The following PLCB4 variants were observed in gnomAD, a reference collection of about 807,000 sequenced individuals.
PLCB4 encodes 1-phosphatidylinositol 4,5-bisphosphate phosphodiesterase beta-4.
PLCB4 carries 77 observed loss-of-function variants against 178.8 expected under a neutral mutation model. The observed-to-expected ratio is 0.43, with a 90% confidence interval of 0.36 to 0.52. The LOEUF is 0.52. Ranked by LOEUF, PLCB4 falls within the 20% of genes least tolerant of loss-of-function variation. The pLI is 0.00. For missense variants in PLCB4, 1,024 were observed against 1,453.4 expected (o/e 0.70, Z 4.80); for synonymous variants, 496 against 490.8 (o/e 1.01, Z -0.14).
chr20:9,343,061 C>T (rs765145537), intron 7 of PLCB4, among the ~76,000 whole-genome samples: 2 of 152,086 alleles, frequency 1.3e-5, no homozygotes, highest in Non-Finnish European at 2.9e-5. Flanking sequence ...TGGGAGAGTC[C>T]AGCACTCCCT....
intron 32 of PLCB4, among the ~76,000 whole-genome samples, chr20:9,446,923 ATGT>A (rs2042449085): frequency 6.6e-6 from 1 of 152,188 alleles, no homozygotes; most frequent in South Asian, 2.1e-4. Flanking sequence ...CAACAAAAAC[ATGT>A]TGTCTTTAAA....
At chr20:9,440,783 A>C (rs1168993937) in intron 30 of PLCB4, among the ~76,000 whole-genome samples, 1 of 152,176 alleles carries the variant, frequency 6.6e-6, no homozygotes, top group Non-Finnish European at 1.5e-5. Context: ...TTAATGTTCC[A>C]GTGGGGTAGA....
chr20:9,184,585 C>G (rs1448005368), intron 2 of PLCB4, among the ~76,000 whole-genome samples: 3 of 134,372 alleles, frequency 2.2e-5, no homozygotes, highest in African/African-American at 9.1e-5. Context: ...GGGTGGTGAC[C>G]CAGCATTGTG....
At chr20:9,186,434 G>A (rs942652348) in intron 2 of PLCB4, among the ~76,000 whole-genome samples, 18 of 152,156 alleles carry the variant, frequency 1.2e-4, no homozygotes, top group Admixed American at 2.6e-4. Flanking sequence ...TCAGGAAAGG[G>A]CCACTTTAAC....
chr20:9,378,455 T>C lies in PLCB4; in HGVS notation c.745-1599T>C, dbSNP rs145880295. Among the ~76,000 whole-genome samples, 300 of 152,220 alleles carry C rather than the reference T, an allele frequency of 2.0e-3. 2 individuals are homozygous for C. Among genetic ancestry groups the C allele is most frequent in the Middle Eastern group, 6.8e-3 (2 of 294 alleles). Reference sequence around the variant, plus strand: ...GTCAGTTTGTTTGTTTTTAAAACAATGCATTCTCACCAGAAAGACGGAGCT... The same window carrying C: ...GTCAGTTTGTTTGTTTTTAAAACAACGCATTCTCACCAGAAAGACGGAGCT... On this transcript the variant is annotated intron_variant, in intron 12 of 39. Coordinates refer to ENST00000378473, the MANE Select transcript of PLCB4 (RefSeq NM_001377142.1).
chr20:9,129,244 G>T (rs1333181093), intron 2 of PLCB4, among the ~76,000 whole-genome samples: 1 of 152,092 alleles, frequency 6.6e-6, no homozygotes, highest in Non-Finnish European at 1.5e-5. Context: ...CTGACCACCT[G>T]CCGTACTCAC....
chr20:9,427,679 A>C (rs887205076), intron 28 of PLCB4, among the ~76,000 whole-genome samples: 17 of 152,228 alleles, frequency 1.1e-4, no homozygotes, highest in Admixed American at 2.0e-4. Context: ...GACAGGAAGC[A>C]GTTCCAGGGC....
chr20:9,161,291 G>A (rs111432175), intron 2 of PLCB4, among the ~76,000 whole-genome samples: 175 of 152,208 alleles, frequency 1.1e-3, no homozygotes, highest in African/African-American at 3.9e-3. Flanking sequence ...TTTGAGAACT[G>A]CATTTTATAG....
intron 4 of PLCB4, among the ~76,000 whole-genome samples, chr20:9,318,205 A>C (rs1396454517): frequency 1.3e-5 from 2 of 152,018 alleles, no homozygotes; most frequent in Non-Finnish European, 2.9e-5. Context: ...AAGGCCAGCC[A>C]CACCACTTGA....
intron 3 of PLCB4, among the ~76,000 whole-genome samples, chr20:9,229,694 T>C (rs915733785): frequency 1.3e-5 from 2 of 152,056 alleles, no homozygotes; most frequent in Non-Finnish European, 2.9e-5. Flanking sequence ...TGTTTAAAAC[T>C]TTTTTCCTTC....
At chr20:9,218,641 C>T (rs1259480233) in intron 3 of PLCB4, among the ~76,000 whole-genome samples, 1 of 152,172 alleles carries the variant, frequency 6.6e-6, no homozygotes, top group African/African-American at 2.4e-5. Flanking sequence ...TCTGGCAGTG[C>T]CCGTGGCTGA....
intron 2 of PLCB4, among the ~76,000 whole-genome samples, chr20:9,119,026 G>A (rs775307998): frequency 6.6e-6 from 1 of 152,172 alleles, no homozygotes; most frequent in African/African-American, 2.4e-5. Flanking sequence ...TACATTGTAC[G>A]TGTTACTGAA....
At chr20:9,190,528 C>T (rs1435202142) in intron 2 of PLCB4, among the ~76,000 whole-genome samples, 1 of 152,138 alleles carries the variant, frequency 6.6e-6, no homozygotes, top group Non-Finnish European at 1.5e-5. Flanking sequence ...ATTACCCAGT[C>T]TCAGGCAGCT....
intron 35 of PLCB4, among the ~76,000 whole-genome samples, chr20:9,463,779 G>C (rs2043572689): frequency 6.6e-6 from 1 of 152,020 alleles, no homozygotes; most frequent in Admixed American, 6.6e-5. Context: ...GATTCATAAA[G>C]CAAGTCCTTA....
chr20:9,142,457 G>A (rs1292739211), intron 2 of PLCB4, among the ~76,000 whole-genome samples: 5 of 152,090 alleles, frequency 3.3e-5, no homozygotes, highest in Admixed American at 6.6e-5. Flanking sequence ...ATAAAGGCTG[G>A]AGGTGCAAAT....
chr20:9,312,148 A>G (rs1266576876), intron 4 of PLCB4, among the ~76,000 whole-genome samples: 4 of 152,092 alleles, frequency 2.6e-5, no homozygotes, highest in African/African-American at 9.7e-5. Context: ...AGGGGCAGCC[A>G]GAGCAGGGGT....
intron 38 of PLCB4, among the ~76,000 whole-genome samples, chr20:9,474,248 A>G (rs567113854): frequency 6.6e-5 from 10 of 152,164 alleles, no homozygotes; most frequent in Admixed American, 3.3e-4. Flanking sequence ...CCAAACACCA[A>G]CTGTTTAGTT....
intron 28 of PLCB4, among the ~76,000 whole-genome samples, chr20:9,432,980 A>G (rs1192477555): frequency 6.6e-6 from 1 of 152,238 alleles, no homozygotes; most frequent in Non-Finnish European, 1.5e-5. Flanking sequence ...AAGTATTGCC[A>G]TGAGAATCAC....
intron 2 of PLCB4, among the ~76,000 whole-genome samples, chr20:9,210,681 A>T (rs949639064): frequency 6.6e-6 from 1 of 151,972 alleles, no homozygotes; most frequent in East Asian, 1.9e-4. Context: ...TAATGTTAAT[A>T]ACCGGCTCAA....
Sources: gnomAD v4.1 joint callset for allele counts (sites outside exome capture counted in the v4.1 genomes callset) on GRCh38, gnomAD v4.1.1 for gene constraint, MANE v1.5 for transcripts, NCBI Gene and HGNC (gene_info 2026-07-23, HGNC 2026-07-21) for gene names.